GRIK1: variants seen among roughly 807,000 people sequenced by gnomAD.
GRIK1 encodes the protein glutamate receptor ionotropic, kainate 1.
Under a neutral mutation model 105.7 loss-of-function variants are expected in GRIK1, and 69 were observed. The ratio of observed to expected loss-of-function variants is 0.65; its 90% CI spans 0.54 to 0.80. The LOEUF is 0.80. Ranked by LOEUF, GRIK1 falls within the 30% of genes least tolerant of loss-of-function variation. GRIK1 has a pLI of 0.00. For missense variants in GRIK1, 1,109 were observed against 1,167.3 expected (o/e 0.95, Z 0.73); for synonymous variants, 438 against 431.3 (o/e 1.02, Z -0.19).
intron 7 of GRIK1, among the ~76,000 whole-genome samples, chr21:29,629,493 C>CTTT (rs200848968): frequency 2.7e-5 from 4 of 147,636 alleles, no homozygotes; most frequent in Non-Finnish European, 1.5e-5. Flanking sequence ...AATTTTCTTT[C>CTTT]TTTCTTTTTT....
intron 6 of GRIK1, among the ~76,000 whole-genome samples, chr21:29,643,877 C>T (rs1259071095): frequency 1.3e-5 from 2 of 151,728 alleles, no homozygotes; most frequent in African/African-American, 2.4e-5. Context: ...AAACTCACTT[C>T]GAGGTAGGAT....
intron 13 of GRIK1, 59 bp from the exon 14 acceptor site, chr21:29,577,240 T>C: frequency 2.1e-6 from 2 of 952,632 alleles, no homozygotes; most frequent in Middle Eastern, 2.9e-4. Context: ...AGGGAAGATG[T>C]ACAGTTCGAC....
chr21:29,633,647 C>T (rs1054517859), intron 7 of GRIK1, among the ~76,000 whole-genome samples: 6 of 152,024 alleles, frequency 3.9e-5, no homozygotes, highest in East Asian at 3.9e-4. Context: ...AAAATATAAA[C>T]GATGAACCTT....
chr21:29,800,683 C>T (rs771083979), intron 1 of GRIK1, among the ~76,000 whole-genome samples: 3 of 152,222 alleles, frequency 2.0e-5, no homozygotes, highest in Non-Finnish European at 4.4e-5. Flanking sequence ...TTGATGAATA[C>T]CTTCTGTGCA....
chr21:29,627,710 C>T (rs965845466), intron 7 of GRIK1, among the ~76,000 whole-genome samples: 15 of 152,076 alleles, frequency 9.9e-5, no homozygotes, highest in African/African-American at 3.6e-4. Flanking sequence ...TTAGGAATTC[C>T]CTATTGGCCT....
At chr21:29,831,004 C>T (rs1184763006) in intron 1 of GRIK1, among the ~76,000 whole-genome samples, 2 of 152,086 alleles carry the variant, frequency 1.3e-5, no homozygotes, top group Admixed American at 1.3e-4. Flanking sequence ...AACATTCCAC[C>T]TTGTCTATAT....
intron 1 of GRIK1, among the ~76,000 whole-genome samples, chr21:29,881,095 C>T (rs1395535300): frequency 6.6e-6 from 1 of 152,048 alleles, no homozygotes; most frequent in Admixed American, 6.5e-5. Context: ...CAGAATAGAT[C>T]CTGGCACACT....
In GRIK1 at chr21:29,651,281, G is replaced by A. The variant is rs1472817391; in HGVS notation, c.791C>T (p.Ala264Val). The A allele has an allele frequency of 1.2e-6, 2 of 1,609,276 alleles. No individual in the cohort carries two copies. Among genetic ancestry groups the A allele is most frequent in the Non-Finnish European group, 1.7e-6 (2 of 1,176,646 alleles). Residue 264 changes from alanine (A) to valine (V), a missense_variant, in exon 6 of 18, where the codon GCT becomes GTT. Around this residue, in one of 5 missense-constraint regions of GRIK1, gnomAD observed 612 missense variants for 586.0 expected, o/e 1.04. Coordinates refer to ENST00000327783, the MANE Select transcript of GRIK1 (RefSeq NM_001330994.2). ...HYFFTTLDLF[A>V]LDLELYRYSG... ...GTACCTATAGAGTTCCAGATCCAAA[G>A]CAAATAAGTCCTGCATAGTATCAAA...
chr21:29,609,625 G>A (rs1193145538), intron 7 of GRIK1, among the ~76,000 whole-genome samples: 1 of 152,080 alleles, frequency 6.6e-6, no homozygotes, highest in Non-Finnish European at 1.5e-5. Flanking sequence ...AAAGGTGAAG[G>A]AAAGAGGAAG....
At chr21:29,749,209 T>TG (rs1284122030) in intron 1 of GRIK1, 3 of 152,210 alleles carry the variant, frequency 2.0e-5, no homozygotes, top group Non-Finnish European at 4.4e-5. Flanking sequence ...ACTTTCCTGT[T>TG]GGGGAAAAAG....
chr21:29,606,695 CAAAAA>C (rs796224241), intron 7 of GRIK1, among the ~76,000 whole-genome samples: 1 of 114,582 alleles, frequency 8.7e-6, no homozygotes, highest in African/African-American at 4.4e-5. Context: ...CAAAACAAAA[CAAAAA>C]AAACAAAAAA....
intron 4 of GRIK1, 56 bp from the exon 5 acceptor site, chr21:29,654,919 A>T: frequency 9.6e-7 from 1 of 1,039,248 alleles, no homozygotes; most frequent in Admixed American, 1.7e-5. Context: ...TAAGAATGGG[A>T]TAATTTCTAG....
chr21:29,631,831 A>G (rs574723505), intron 7 of GRIK1, among the ~76,000 whole-genome samples: 2 of 152,378 alleles, frequency 1.3e-5, no homozygotes, highest in African/African-American at 4.8e-5. Flanking sequence ...TGTGGCTACT[A>G]AAAACTCTAA....
intron 1 of GRIK1, among the ~76,000 whole-genome samples, chr21:29,772,794 C>A (rs2145741057): frequency 6.6e-6 from 1 of 152,288 alleles, no homozygotes; most frequent in African/African-American, 2.4e-5. Flanking sequence ...CCATTTTCTT[C>A]ACCACTTAAT....
chr21:29,732,307 A>G (rs1268912772), intron 1 of GRIK1, among the ~76,000 whole-genome samples: 1 of 152,198 alleles, frequency 6.6e-6, no homozygotes, highest in Non-Finnish European at 1.5e-5. Flanking sequence ...ATAGGGGCTG[A>G]AGGCAACACT....
chr21:29,924,261 C>G (rs1037009123), intron 1 of GRIK1, among the ~76,000 whole-genome samples: 2 of 149,990 alleles, frequency 1.3e-5, no homozygotes, highest in Admixed American at 1.3e-4. Context: ...TGCTTGAACC[C>G]GGGAGGTGGA....
intron 1 of GRIK1, among the ~76,000 whole-genome samples, chr21:29,728,474 GC>G (rs958667328): frequency 1.2e-4 from 18 of 152,192 alleles, no homozygotes; most frequent in African/African-American, 4.3e-4. Context: ...GCCAAGGGAT[GC>G]AGGTGGTGGA....
chr21:29,713,541 T>C (rs778598652), intron 1 of GRIK1, among the ~76,000 whole-genome samples: 8 of 152,214 alleles, frequency 5.3e-5, no homozygotes, highest in Non-Finnish European at 8.8e-5. Context: ...ACAATCTTTG[T>C]TTTTTGAAAT....
At chr21:29,627,184 T>C (rs1224005658) in intron 7 of GRIK1, among the ~76,000 whole-genome samples, 1 of 152,242 alleles carries the variant, frequency 6.6e-6, no homozygotes, top group Admixed American at 6.5e-5. Context: ...TACTTATATA[T>C]AATAACTATG....
Sources: allele counts gnomAD v4.1 joint callset (sites outside exome capture counted in the v4.1 genomes callset), GRCh38; gene constraint gnomAD v4.1.1; regional missense constraint gnomAD v4.1.1; transcripts MANE v1.5; gene names NCBI Gene and HGNC (gene_info 2026-07-23, HGNC 2026-07-21).